GADL1: variants seen among roughly 807,000 people sequenced by gnomAD.
The protein encoded by GADL1 is acidic amino acid decarboxylase GADL1.
In GADL1, 71 loss-of-function variants were observed where a neutral mutation model predicts 69.5. The ratio of observed to expected loss-of-function variants is 1.02; its 90% CI spans 0.84 to 1.25. GADL1 has a LOEUF of 1.25. GADL1 is among the 50% of genes most tolerant of loss of function. The probability of loss-of-function intolerance (pLI) is 0.00; values close to 1 mark genes in which losing one functional copy is unlikely to be tolerated. For missense variants in GADL1, 737 were observed against 631.8 expected (o/e 1.17, Z -1.79); for synonymous variants, 254 against 214.4 (o/e 1.18, Z -1.62).
chr3:30,888,783 T>G (rs1424040944), intron 1 of GADL1, among the ~76,000 whole-genome samples: 1 of 151,760 alleles, frequency 6.6e-6, no homozygotes, highest in African/African-American at 2.4e-5. Context: ...CCTTTAAGAC[T>G]GAAAAAGAGT....
At chr3:30,805,956 T>C (rs150153364) in intron 11 of GADL1, among the ~76,000 whole-genome samples, 1 of 151,930 alleles carries the variant, frequency 6.6e-6, no homozygotes, top group Non-Finnish European at 1.5e-5. Flanking sequence ...CCAAGACTGA[T>C]CTTGCGGGAG....
At position 30,727,747 on chromosome 3, in the gene GADL1, C is replaced by T. The variant is rs1351061600; in HGVS notation, c.*495G>A. 1 of 152,218 alleles carries T rather than the reference C, an allele frequency of 6.6e-6. No individual in the cohort carries two copies. Among genetic ancestry groups the T allele is most frequent in the African/African-American group, 2.4e-5 (1 of 41,436 alleles). 9.4% of individuals were successfully genotyped at this position (152,218 alleles called of 1,614,324 possible). On this transcript the variant is annotated 3_prime_UTR_variant, in exon 15 of 15. Transcript: ENST00000282538. ...CGGATTTTACTGTGCATCAGAATTC[C>T]CTGACGGGCTTGTTAAAACACAGAA...
intron 11 of GADL1, among the ~76,000 whole-genome samples, chr3:30,833,188 C>T (rs531403262): frequency 6.6e-6 from 1 of 152,140 alleles, no homozygotes; most frequent in Admixed American, 6.6e-5. Flanking sequence ...CACTTCCCAG[C>T]CTGGGCCACT....
intron 14 of GADL1, among the ~76,000 whole-genome samples, chr3:30,761,165 AT>A (rs758440153): frequency 3.0e-4 from 46 of 152,234 alleles, no homozygotes; most frequent in Non-Finnish European, 3.4e-4. Context: ...ATTTACTTTA[AT>A]AAAATTCCAG....
At chr3:30,756,671 A>AT (rs11370646) in intron 14 of GADL1, among the ~76,000 whole-genome samples, 1,590 of 152,276 alleles carry the variant, frequency 0.01, 29 homozygotes, top group African/African-American at 0.036. Context: ...ACAAGCCTGG[A>AT]TTAGCCTGAT....
intron 1 of GADL1, 132 bp from the exon 2 acceptor site, chr3:30,861,897 T>C (rs755963659): frequency 1.6e-6 from 1 of 613,066 alleles, no homozygotes. Context: ...TCATTTGAGG[T>C]GTTGAGCTGA....
intron 12 of GADL1, among the ~76,000 whole-genome samples, chr3:30,796,117 T>C (rs973175549): frequency 6.6e-6 from 1 of 152,182 alleles, no homozygotes; most frequent in African/African-American, 2.4e-5. Context: ...AACTTTATAA[T>C]AAATACAATC....
At position 30,747,755 on chromosome 3, in the gene GADL1, C is replaced by T. The variant is rs571380920; in HGVS notation, c.1393-19340G>A. Among the ~76,000 whole-genome samples the T allele has an allele frequency of 4.3e-4, 65 of 152,278 alleles. No individual in the cohort carries two copies. In the South Asian group the frequency reaches 0.01, roughly 24 times the overall value. On this transcript the variant is annotated intron_variant, in intron 14 of 14. Transcript: ENST00000282538. ...AATCCACTTCCTTTGTTTATCCTAT[C>T]CTGTAAATATTTTCAGTCTACTACC...
At chr3:30,893,603 T>C (rs1048029022) in intron 1 of GADL1, among the ~76,000 whole-genome samples, 5 of 152,194 alleles carry the variant, frequency 3.3e-5, no homozygotes, top group African/African-American at 1.2e-4. Flanking sequence ...TTATGCCATA[T>C]ATAAAAATAA....
intron 11 of GADL1, among the ~76,000 whole-genome samples, chr3:30,804,115 G>A (rs1360913152): frequency 4.6e-5 from 7 of 152,172 alleles, no homozygotes; most frequent in Admixed American, 1.3e-4. Flanking sequence ...CAAAAGGAGG[G>A]AGTATTTTTA....
At chr3:30,753,009 T>C (rs1410490080) in intron 14 of GADL1, among the ~76,000 whole-genome samples, 7 of 151,136 alleles carry the variant, frequency 4.6e-5, no homozygotes, top group Non-Finnish European at 7.3e-5. Context: ...ATTTTAAAAA[T>C]AGATTCCTAA....
At chr3:30,836,995 C>G (rs1439108903) in intron 9 of GADL1, among the ~76,000 whole-genome samples, 2 of 151,970 alleles carry the variant, frequency 1.3e-5, no homozygotes, top group Admixed American at 1.3e-4. Context: ...TTTTTGTGTA[C>G]TACTAATAAA....
rs570642369 is a variant in GADL1, at chr3:30,754,485, T to A, written c.1392+23694A>T. On this transcript the variant is annotated intron_variant, in intron 14 of 14. Coordinates refer to ENST00000282538, the MANE Select transcript of GADL1 (RefSeq NM_207359.3). ...GGAATGCCAATGACGGACTCTCGAA[T>A]CTTCAGGAGTTCTGGGAGCATCAAG... 2.3e-5 allele frequency among the ~76,000 whole-genome samples: 3 copies of A among 131,828 alleles called. No homozygotes were observed. The Admixed American group carries it at 2.4e-4, about 11-fold the overall frequency. 86.5% of individuals were successfully genotyped at this position (131,828 alleles called of 152,430 possible). A position where few individuals can be genotyped will look rare whatever the true frequency, so the allele number is the denominator to read the frequency against.
In GADL1 at chr3:30,741,105, A is replaced by T. The variant is rs928824547; in HGVS notation, c.1393-12690T>A. ...ATAGGTGTTTGTATTATATATATGT[A>T]TTCCTAGTATATATATATATATATA... On this transcript the variant is annotated intron_variant, in intron 14 of 14. Coordinates refer to ENST00000282538, the MANE Select transcript of GADL1 (RefSeq NM_207359.3). 1.3e-3 allele frequency among the ~76,000 whole-genome samples: 72 copies of T among 55,436 alleles called. No individual in the cohort carries two copies. In the East Asian group the frequency reaches 0.035, roughly 27 times the overall value. The allele number at this position is 55,436 out of a possible 152,430, so 36.4% of individuals were successfully genotyped here.
intron 11 of GADL1, among the ~76,000 whole-genome samples, chr3:30,805,188 T>G (rs1416068544): frequency 1.3e-5 from 2 of 152,226 alleles, no homozygotes; most frequent in African/African-American, 4.8e-5. Flanking sequence ...AATTCTATTT[T>G]TGTCAACTCC....
rs536024714 is a variant in GADL1 at position 30,810,270 on chromosome 3, G to A, written c.1051-9182C>T. On this transcript the variant is annotated intron_variant, in intron 11 of 14. Coordinates refer to ENST00000282538, the MANE Select transcript of GADL1 (RefSeq NM_207359.3). ...TTCCCACGAAATGTGATTTCCTCTC[G>A]CTTCAGTTAATTGATATAATGCTTT... is the stretch of plus-strand genomic sequence containing the variant. Among the ~76,000 whole-genome samples the A allele has an allele frequency of 5.3e-5, 8 of 152,158 alleles. No individual in the cohort carries two copies. The East Asian group carries it at 7.7e-4, about 15-fold the overall frequency.
chr3:30,806,257 C>A (rs1697254320), intron 11 of GADL1, among the ~76,000 whole-genome samples: 1 of 152,052 alleles, frequency 6.6e-6, no homozygotes, highest in African/African-American at 2.4e-5. Context: ...TATTAATCAT[C>A]TTTTAATAAT....
intron 11 of GADL1, among the ~76,000 whole-genome samples, chr3:30,830,439 A>AC (rs1697768657): frequency 6.6e-6 from 1 of 151,880 alleles, no homozygotes; most frequent in African/African-American, 2.4e-5. Context: ...AACCTTGCAA[A>AC]TTGGGGTAAG....
At chr3:30,886,956 T>G (rs945936469) in intron 1 of GADL1, among the ~76,000 whole-genome samples, 2 of 152,198 alleles carry the variant, frequency 1.3e-5, no homozygotes, top group African/African-American at 2.4e-5. Flanking sequence ...CAGTGCTAAG[T>G]GTTTACAGGT....
Sources: allele counts gnomAD v4.1 joint callset (sites outside exome capture counted in the v4.1 genomes callset), GRCh38; gene constraint gnomAD v4.1.1; transcripts MANE v1.5; gene names NCBI Gene and HGNC (gene_info 2026-07-23, HGNC 2026-07-21).